Variants in PPTC7 observed in about 807,000 individuals in gnomAD.
The protein encoded by PPTC7 is protein phosphatase targeting COQ7.
A neutral mutation model predicts 30.8 loss-of-function variants in PPTC7; 6 were observed. The ratio of observed to expected loss-of-function variants is 0.19; its 90% CI spans 0.11 to 0.38. The LOEUF (loss-of-function observed/expected upper bound fraction) is 0.38, where lower values mean the gene tolerates loss of function less well. PPTC7 is among the 10% of genes least tolerant of loss of function. PPTC7 has a pLI of 1.00. For missense variants in PPTC7, 218 were observed against 404.8 expected (o/e 0.54, Z 3.96); for synonymous variants, 163 against 168.1 (o/e 0.97, Z 0.23).
At position 110,536,998 on chromosome 12, in the gene PPTC7, T is replaced by A. The variant is rs367757579; in HGVS notation, c.*39A>T. 3 of 1,533,714 alleles carry A rather than the reference T, an allele frequency of 2.0e-6. No individual in the cohort carries two copies. In the South Asian group the frequency reaches 3.4e-5, roughly 17 times the overall value. On this transcript the variant is annotated 3_prime_UTR_variant, in exon 6 of 6. Coordinates refer to ENST00000354300, the MANE Select transcript of PPTC7 (RefSeq NM_139283.2). ...GATCAGCACACATGGCAGGGGAAAT[T>A]TGGGATGATGAAAGGAAAGGCAGGA...
At chr12:110,575,230 C>G (rs529981230) in intron 1 of PPTC7, among the ~76,000 whole-genome samples, 8 of 152,072 alleles carry the variant, frequency 5.3e-5, no homozygotes, top group Non-Finnish European at 1.2e-4. Context: ...GAAAGGCAAA[C>G]TCACATTATT....
chr12:110,575,882 G>T (rs758112401), intron 1 of PPTC7, among the ~76,000 whole-genome samples: 1 of 152,064 alleles, frequency 6.6e-6, no homozygotes, highest in Non-Finnish European at 1.5e-5. Context: ...ATGAAGAAAT[G>T]ACTTCAAAAA....
chr12:110,539,487 T>A, intron 4 of PPTC7, among the ~76,000 whole-genome samples: 1 of 152,190 alleles, frequency 6.6e-6, no homozygotes, highest in East Asian at 1.9e-4. Flanking sequence ...CATGACTATT[T>A]CCTGTCTTTG....
intron 1 of PPTC7, among the ~76,000 whole-genome samples, chr12:110,565,312 A>G (rs1229628796): frequency 1.3e-5 from 2 of 151,170 alleles, no homozygotes; most frequent in East Asian, 3.9e-4. Flanking sequence ...GCTGGAGTGC[A>G]GTGGCATGAA....
chr12:110,554,265 C>T (rs2064370077), intron 1 of PPTC7, among the ~76,000 whole-genome samples: 1 of 152,134 alleles, frequency 6.6e-6, no homozygotes, highest in South Asian at 2.1e-4. Flanking sequence ...TCTTGAACTC[C>T]CAGGCTTAAG....
rs554293348 is a variant in PPTC7, at chr12:110,563,326, T to C, written c.224-11358A>G. Among the ~76,000 whole-genome samples the C allele has an allele frequency of 2.6e-5, 4 of 151,760 alleles. No individual in the cohort carries two copies. The East Asian group carries it at 7.8e-4, about 30-fold the overall frequency. On this transcript the variant is annotated intron_variant, in intron 1 of 5. Coordinates refer to ENST00000354300, the MANE Select transcript of PPTC7 (RefSeq NM_139283.2). ...AAAAGTTCAACCCTGTAATAAAACA[T>C]GTGAAAATGGCCGCATGAGGTGGCT...
chr12:110,571,051 G>A (rs938245756), intron 1 of PPTC7, among the ~76,000 whole-genome samples: 4 of 152,254 alleles, frequency 2.6e-5, no homozygotes, highest in Non-Finnish European at 4.4e-5. Context: ...AGGTACGCTC[G>A]AGCGTGGTCA....
rs561246029 is a variant in PPTC7, at chr12:110,535,079, T to C, written c.*1958A>G. The C allele has an allele frequency of 1.6e-4, 25 of 152,746 alleles. No homozygotes were observed. The highest frequency in any genetic ancestry group is 4.8e-4 in the African/African-American group (20 of 41,568). 9.5% of individuals were successfully genotyped at this position (152,746 alleles called of 1,614,324 possible). A position where few individuals can be genotyped will look rare whatever the true frequency, so the allele number is the denominator to read the frequency against. On this transcript the variant is annotated 3_prime_UTR_variant, in exon 6 of 6. Transcript: ENST00000354300. ...GATGCAACTTTCTTTACTTTTTAAA[T>C]ACACAGAGACTGCAAATAGTTTGTG...
intron 1 of PPTC7, among the ~76,000 whole-genome samples, chr12:110,558,763 C>T (rs961146927): frequency 2.0e-5 from 3 of 152,008 alleles, no homozygotes; most frequent in Non-Finnish European, 2.9e-5. Flanking sequence ...GTAGCTACCA[C>T]GCTCCGCTAA....
At position 110,582,984 on chromosome 12, in the gene PPTC7, G is replaced by A. The variant is rs1295451814; in HGVS notation, c.48C>T (p.Leu16=). Residue 16 remains leucine (L), a synonymous_variant, in exon 1 of 6, where the codon CTC becomes CTT. Coordinates refer to ENST00000354300, the MANE Select transcript of PPTC7 (RefSeq NM_139283.2). The stretch of plus-strand genomic sequence containing the variant: ...TGGGGTCGGTCTGCGAGAGGCCGCC[G>A]AGCACGGCGCGGGCCACCAGCCGCC... ...SYGRLVARAV[L]GGLSQTDPRA... The A allele has an allele frequency of 1.3e-6, 2 of 1,524,020 alleles. No individual in the cohort carries two copies. Among genetic ancestry groups the A allele is most frequent in the African/African-American group, 1.4e-5 (1 of 70,460 alleles). 94.4% of individuals were successfully genotyped at this position (1,524,020 alleles called of 1,614,324 possible).
At chr12:110,542,648 TG>T (rs1011914365) in intron 3 of PPTC7, among the ~76,000 whole-genome samples, 1 of 120,864 alleles carries the variant, frequency 8.3e-6, no homozygotes, top group Non-Finnish European at 1.6e-5. Flanking sequence ...TCCAGCAGCC[TG>T]GGCAGCAGAG....
At chr12:110,552,379 C>CA (rs1166119765) in intron 1 of PPTC7, among the ~76,000 whole-genome samples, 1 of 152,224 alleles carries the variant, frequency 6.6e-6, no homozygotes, top group Non-Finnish European at 1.5e-5. Flanking sequence ...CAAAGAACAT[C>CA]AAAAGCGGCA....
rs1260928244 is a variant in PPTC7 at position 110,536,625 on chromosome 12, T to C, written c.*412A>G. 1 of 163,704 alleles carries C rather than the reference T, an allele frequency of 6.1e-6. No individual in the cohort carries two copies. The highest frequency in any genetic ancestry group is 1.9e-4 in the South Asian group (1 of 5,222). 10.1% of individuals were successfully genotyped at this position (163,704 alleles called of 1,614,324 possible). A position where few individuals can be genotyped will look rare whatever the true frequency, so the allele number is the denominator to read the frequency against. On this transcript the variant is annotated 3_prime_UTR_variant, in exon 6 of 6. Transcript: ENST00000354300. ...TTTGATGAATAATGTATGTTTCTAG[T>C]AGATGTATCATTACGTACAATTTGT...
chr12:110,560,772 C>T (rs1218413282), intron 1 of PPTC7, among the ~76,000 whole-genome samples: 3 of 152,200 alleles, frequency 2.0e-5, no homozygotes, highest in Admixed American at 6.5e-5. Context: ...TTAATGTACA[C>T]TCTGGAAGAA....
In PPTC7 at chr12:110,545,902, C is replaced by G; in HGVS notation, c.580G>C (p.Glu194Gln). ...TACCTGTCGCTCAAGACGACTCCCT[C>G]GGCTTCAGGGGGAGCGATTGAGAGC... ...FQLSIAPPEA[E>Q]GVVLSDSPDA... Residue 194 changes from glutamate (E) to glutamine (Q), a missense_variant, in exon 3 of 6, where the codon GAG (glutamate) becomes CAG (glutamine). By Grantham distance (29) the Glu-to-Gln change is conservative (BLOSUM62 2). Transcript: ENST00000354300. The G allele has an allele frequency of 6.2e-7, 1 of 1,613,734 alleles. No homozygotes were observed. Among genetic ancestry groups the G allele is most frequent in the Non-Finnish European group, 8.5e-7 (1 of 1,180,022 alleles).
In PPTC7 at chr12:110,536,902, A is replaced by C. The variant is rs1316014927; in HGVS notation, c.*135T>G. 1 of 686,258 alleles carries C rather than the reference A, an allele frequency of 1.5e-6. No individual in the cohort carries two copies. The highest frequency in any genetic ancestry group is 2.6e-5 in the East Asian group (1 of 38,904). 42.5% of individuals were successfully genotyped at this position (686,258 alleles called of 1,614,324 possible). A position where few individuals can be genotyped will look rare whatever the true frequency, so the allele number is the denominator to read the frequency against. ...TCAACAAAGATCTCAACGAGTCTCA[A>C]GAAGACAGGCAAAAGACTTACATCA... On this transcript the variant is annotated 3_prime_UTR_variant, in exon 6 of 6. Transcript: ENST00000354300.
intron 1 of PPTC7, among the ~76,000 whole-genome samples, chr12:110,581,329 G>A (rs1425153054): frequency 6.6e-6 from 1 of 151,918 alleles, no homozygotes; most frequent in African/African-American, 2.4e-5. Context: ...CAGGAGAATC[G>A]CTTGAACCGG....
At chr12:110,543,776 C>G (rs1283456925) in intron 3 of PPTC7, among the ~76,000 whole-genome samples, 1 of 152,218 alleles carries the variant, frequency 6.6e-6, no homozygotes, top group African/African-American at 2.4e-5. Flanking sequence ...AAACTTTTGA[C>G]CGCACTGAAA....
intron 1 of PPTC7, among the ~76,000 whole-genome samples, chr12:110,559,730 G>GAAA (rs770672237): frequency 1.1e-5 from 1 of 89,692 alleles, no homozygotes; most frequent in African/African-American, 4.2e-5. Flanking sequence ...AGCCTCAGGG[G>GAAA]AAAAAAAAAA....
Sources: allele counts gnomAD v4.1 joint callset (sites outside exome capture counted in the v4.1 genomes callset), GRCh38; gene constraint gnomAD v4.1.1; transcripts MANE v1.5; gene names NCBI Gene and HGNC (gene_info 2026-07-23, HGNC 2026-07-21).